The following PARN variants were observed in gnomAD, a reference collection of about 807,000 sequenced individuals.
PARN encodes the protein poly(A)-specific ribonuclease, also known as poly(A)-specific ribonuclease PARN.
Under a neutral mutation model 102.8 loss-of-function variants are expected in PARN, and 71 were observed. The ratio of observed to expected loss-of-function variants is 0.69; its 90% CI spans 0.57 to 0.84. The LOEUF (loss-of-function observed/expected upper bound fraction) is 0.84. Among genes scored for constraint, PARN ranks in the 40% least tolerant of loss-of-function variants. The pLI is 0.00. For synonymous variants in PARN, 261 were observed against 252.9 expected (o/e 1.03, Z -0.30); for missense variants, 782 against 760.9 (o/e 1.03, Z -0.33).
At chr16:14,577,521 A>G (rs1969218796) in intron 18 of PARN, among the ~76,000 whole-genome samples, 1 of 151,266 alleles carries the variant, frequency 6.6e-6, no homozygotes, top group Non-Finnish European at 1.5e-5. Flanking sequence ...TTTTGTATAG[A>G]CTGGGTTTTG....
At chr16:14,453,484 T>A (rs1961555336) in intron 22 of PARN, among the ~76,000 whole-genome samples, 1 of 152,236 alleles carries the variant, frequency 6.6e-6, no homozygotes, top group Admixed American at 6.5e-5. Context: ...TTCACTTATT[T>A]TAAATGTACA....
chr16:14,575,961 G>C (rs147821520), intron 18 of PARN: 4,313 of 152,684 alleles, frequency 0.028, 84 homozygotes, highest in Non-Finnish European at 0.041. Context: ...AAAAATGGGA[G>C]TGTCCCTGCA....
At position 14,617,595 on chromosome 16, in the gene PARN, C is replaced by T. The variant is rs778795386; in HGVS notation, c.383G>A (p.Arg128Gln). ...SQGFDFNKVFRNGIPYLNQEE... is the reference protein window; with the variant it reads ...SQGFDFNKVFQNGIPYLNQEE... Reference sequence around the variant, plus strand: ...TAGGTTACCCATAATCTTACCATTTCGAAAAACTTTATTAAAATCAAATCC... The same window carrying T: ...TAGGTTACCCATAATCTTACCATTTTGAAAAACTTTATTAAAATCAAATCC... The change falls in exon 6 of 24, where the codon CGA becomes CAA. Residue 128 changes from arginine to glutamine, a missense_variant. Coordinates refer to ENST00000437198, the MANE Select transcript of PARN (RefSeq NM_002582.4). 4.5e-5 allele frequency: 69 copies of T among 1,530,970 alleles called. No individual in the cohort carries two copies. The highest frequency in any genetic ancestry group is 5.7e-5 in the Non-Finnish European group (63 of 1,104,432). 94.8% of individuals were successfully genotyped at this position (1,530,970 alleles called of 1,614,324 possible).
intron 12 of PARN, among the ~76,000 whole-genome samples, chr16:14,598,911 C>G (rs899617639): frequency 3.3e-5 from 5 of 152,094 alleles, no homozygotes; most frequent in African/African-American, 1.2e-4. Flanking sequence ...CCCAGGCCAA[C>G]TGCTCAAATA....
chr16:14,593,204 C>T, intron 13 of PARN, 97 bp downstream of exon 13: 1 of 677,872 alleles, frequency 1.5e-6, no homozygotes. Flanking sequence ...GAAATGGCAC[C>T]CAAGTAGAGG....
At chr16:14,502,428 CAT>C (rs989056990) in intron 21 of PARN, among the ~76,000 whole-genome samples, 1 of 152,058 alleles carries the variant, frequency 6.6e-6, no homozygotes, top group South Asian at 2.1e-4. Flanking sequence ...CATGTACACA[CAT>C]GTGTGAACAC....
chr16:14,551,674 G>C (rs1411384411), intron 21 of PARN, among the ~76,000 whole-genome samples: 1 of 152,176 alleles, frequency 6.6e-6, no homozygotes, highest in Non-Finnish European at 1.5e-5. Context: ...GGAAAGTACA[G>C]AGATGAACAG....
At chr16:14,467,520 C>T (rs1962433006) in intron 22 of PARN, among the ~76,000 whole-genome samples, 1 of 152,142 alleles carries the variant, frequency 6.6e-6, no homozygotes, top group Admixed American at 6.5e-5. Context: ...AAGAATTCCC[C>T]AATTCTCTTT....
At chr16:14,538,865 A>C (rs917833474) in intron 21 of PARN, among the ~76,000 whole-genome samples, 1 of 152,132 alleles carries the variant, frequency 6.6e-6, no homozygotes, top group African/African-American at 2.4e-5. Flanking sequence ...GATCAGTGGC[A>C]GCATTAGATT....
chr16:14,533,091 G>A (rs1318709073), intron 21 of PARN, among the ~76,000 whole-genome samples: 4 of 152,166 alleles, frequency 2.6e-5, no homozygotes, highest in South Asian at 2.1e-4. Flanking sequence ...CCGAGATCAC[G>A]CCACTGCACT....
chr16:14,451,360 A>AT (rs369917517), intron 22 of PARN, among the ~76,000 whole-genome samples: 1 of 152,136 alleles, frequency 6.6e-6, no homozygotes, highest in Non-Finnish European at 1.5e-5. Context: ...CGTTCATCTT[A>AT]TTTTTTATAA....
Position 14,554,434 on chromosome 16 carries a change from A to AT in PARN, c.1319-284dup, listed in dbSNP as rs56118961. On this transcript the variant is annotated intron_variant, in intron 19 of 23. Coordinates refer to ENST00000437198, the MANE Select transcript of PARN (RefSeq NM_002582.4). The stretch of plus-strand genomic sequence containing the variant: ...GTGCAAATTATTTGTTTATTTTTTA[A>AT]TTTTTTTTTTTTTTGAGACAGGGTT... Among the ~76,000 whole-genome samples the AT allele has an allele frequency of 7.8e-3, 1,121 of 144,524 alleles. 18 individuals are homozygous for AT. Among genetic ancestry groups the AT allele is most frequent in the East Asian group, 0.067 (331 of 4,944 alleles). The allele number at this position is 144,524 out of a possible 152,430, so 94.8% of individuals were successfully genotyped here.
intron 18 of PARN, among the ~76,000 whole-genome samples, chr16:14,578,331 CAAAAA>C (rs1199897215): frequency 6.7e-5 from 3 of 44,964 alleles, no homozygotes; most frequent in South Asian, 8.2e-4. Flanking sequence ...TCTGTCTCAC[CAAAAA>C]AAAAAAAAAA....
intron 8 of PARN, 139 bp from the exon 9 acceptor site, chr16:14,608,458 A>C (rs1045601786): frequency 1.7e-6 from 1 of 596,074 alleles, no homozygotes; most frequent in East Asian, 2.9e-5. Context: ...AAAAATACGC[A>C]GGTTTTTTGA....
At chr16:14,624,240 A>G (rs1012114754) in intron 5 of PARN, among the ~76,000 whole-genome samples, 2 of 152,212 alleles carry the variant, frequency 1.3e-5, no homozygotes, top group Admixed American at 6.5e-5. Context: ...ACCCTACTTA[A>G]TAACTCCAGA....
At chr16:14,627,459 G>T (rs1972747148) in intron 3 of PARN, 123 bp from the exon 4 acceptor site, 1 of 678,378 alleles carries the variant, frequency 1.5e-6, no homozygotes, top group South Asian at 1.6e-5. Flanking sequence ...CTTCCAATTA[G>T]AACAGATTAC....
intron 21 of PARN, among the ~76,000 whole-genome samples, chr16:14,497,152 G>A (rs892368346): frequency 1.3e-5 from 2 of 151,792 alleles, no homozygotes; most frequent in South Asian, 2.1e-4. Flanking sequence ...CCTTTTCTTC[G>A]ACTTTCTCCC....
chr16:14,628,119 C>T (rs930975161), intron 3 of PARN, 53 bp downstream of exon 3: 1 of 1,017,144 alleles, frequency 9.8e-7, no homozygotes, highest in African/African-American at 1.6e-5. Flanking sequence ...TATCATTTAA[C>T]ATAAGGAAGA....
chr16:14,510,897 A>G (rs1166573496), intron 21 of PARN, among the ~76,000 whole-genome samples: 1 of 152,262 alleles, frequency 6.6e-6, no homozygotes, highest in Non-Finnish European at 1.5e-5. Context: ...CTATAAAAAC[A>G]GCAGAAAATG....
Sources: allele counts gnomAD v4.1 joint callset (sites outside exome capture counted in the v4.1 genomes callset), GRCh38; gene constraint gnomAD v4.1.1; transcripts MANE v1.5; gene names NCBI Gene and HGNC (gene_info 2026-07-23, HGNC 2026-07-21).